PHF20L1: variants seen among roughly 807,000 people sequenced by gnomAD.
The protein encoded by PHF20L1 is PHD finger protein 20-like protein 1.
In PHF20L1, 44 loss-of-function variants were observed where a neutral mutation model predicts 125.5. The observed-to-expected ratio is 0.35, with a 90% CI of 0.28 to 0.45. The LOEUF is 0.45. PHF20L1 is among the 20% of genes least tolerant of loss of function. The pLI is 1.00. For synonymous variants in PHF20L1, 380 were observed against 403.1 expected, an observed-to-expected ratio of 0.94 and a Z score of 0.69; for missense variants, 1,012 against 1,217.2, an observed-to-expected ratio of 0.83 and a Z score of 2.51.
intron 17 of PHF20L1, 101 bp from the exon 18 acceptor site, chr8:132,839,286 A>T: frequency 1.2e-6 from 1 of 851,196 alleles, no homozygotes; most frequent in Non-Finnish European, 1.9e-6. Context: ...TCCTAGTGCT[A>T]GAGCTTGCCT....
intron 4 of PHF20L1, 145 bp from the exon 5 acceptor site, chr8:132,798,627 A>G: frequency 2.1e-6 from 1 of 482,796 alleles, no homozygotes; most frequent in South Asian, 4.3e-5. Context: ...GGAGAAAGTA[A>G]ACTTGATGGA....
intron 9 of PHF20L1, chr8:132,811,737 A>G: frequency 4.1e-6 from 4 of 985,180 alleles, no homozygotes; most frequent in Non-Finnish European, 4.8e-6. Flanking sequence ...CTTGTACATA[A>G]TGAACTGTGC....
intron 2 of PHF20L1, among the ~76,000 whole-genome samples, chr8:132,793,119 A>C (rs1191879219): frequency 6.6e-6 from 1 of 152,084 alleles, no homozygotes; most frequent in African/African-American, 2.4e-5. Context: ...GAGTTAGGGA[A>C]GTCTTCACAC....
At chr8:132,839,233 GCACCAGTT>G (rs1031990766) in intron 17 of PHF20L1, 146 bp from the exon 18 acceptor site, 4 of 619,180 alleles carry the variant, frequency 6.5e-6, no homozygotes, top group Non-Finnish European at 8.6e-6. Context: ...AGCTCTTCCT[GCACCAGTT>G]CCTCAGAACG....
At chr8:132,804,834 G>T (rs1833497864) in intron 8 of PHF20L1, 94 bp downstream of exon 8, 1 of 1,087,828 alleles carries the variant, frequency 9.2e-7, no homozygotes, top group African/African-American at 1.6e-5. Context: ...TTTTGATTTA[G>T]TGTCATGGAC....
chr8:132,780,281 C>A (rs986090168), intron 2 of PHF20L1, among the ~76,000 whole-genome samples: 1 of 152,002 alleles, frequency 6.6e-6, no homozygotes, highest in African/African-American at 2.4e-5. Context: ...TTATATGGGA[C>A]ACAAAAGTTC....
In PHF20L1 at chr8:132,817,329, T is replaced by G; in HGVS notation, c.1373-10T>G. 6.2e-7 allele frequency: 1 copy of G among 1,604,602 alleles called. No individual in the cohort carries two copies. ...TGTTAATATTACATTACACTCTTTA[T>G]TTTGTGTAGTGCCTGATGTTGCACA... On this transcript the variant is annotated splice_polypyrimidine_tract_variant and intron_variant, in intron 11 of 20. Coordinates refer to ENST00000395386, the MANE Select transcript of PHF20L1 (RefSeq NM_016018.5).
chr8:132,821,957 A>C (rs541089217), intron 12 of PHF20L1, among the ~76,000 whole-genome samples: 4 of 152,042 alleles, frequency 2.6e-5, no homozygotes, highest in African/African-American at 9.6e-5. Context: ...GAGATCGTGA[A>C]CTTCTTGTAA....
intron 17 of PHF20L1, 186 bp from the exon 18 acceptor site, chr8:132,839,201 A>T (rs1837677935): frequency 1.8e-6 from 1 of 568,618 alleles, no homozygotes; most frequent in East Asian, 2.9e-5. Context: ...CTGGGTGGGC[A>T]GGAACGCTGA....
rs772952829 is a variant in PHF20L1, at chr8:132,775,498, C to T, written c.-185C>T. On this transcript the variant is annotated 5_prime_UTR_variant, in exon 1 of 21. Coordinates refer to ENST00000395386, the MANE Select transcript of PHF20L1 (RefSeq NM_016018.5). ...CCCGCGAAACCTTGGGCGGATCCGG[C>T]GCTGCGGCCCCAGCTCGCTCCGCTC... The T allele has an allele frequency of 5.3e-6, 2 of 376,366 alleles. No homozygotes were observed. Among genetic ancestry groups the T allele is most frequent in the Non-Finnish European group, 4.7e-6 (1 of 211,684 alleles). 23.3% of individuals were successfully genotyped at this position (376,366 alleles called of 1,614,324 possible).
intron 6 of PHF20L1, among the ~76,000 whole-genome samples, chr8:132,803,219 TTTC>T (rs1833293639): frequency 1.3e-5 from 2 of 151,776 alleles, no homozygotes; most frequent in Admixed American, 6.6e-5. Flanking sequence ...ATGGAGCTCT[TTTC>T]TTCTTCATCA....
At chr8:132,786,479 A>G (rs1831039832) in intron 2 of PHF20L1, among the ~76,000 whole-genome samples, 1 of 152,182 alleles carries the variant, frequency 6.6e-6, no homozygotes, top group Non-Finnish European at 1.5e-5. Context: ...TTAAGAAAAA[A>G]ATAGATAACT....
Position 132,799,179 on chromosome 8 carries a change from G to T in PHF20L1, c.507+7G>T. 6.3e-7 allele frequency: 1 copy of T among 1,581,704 alleles called. No homozygotes were observed. Among genetic ancestry groups the T allele is most frequent in the Non-Finnish European group, 8.6e-7 (1 of 1,158,724 alleles). On this transcript the variant is annotated splice_region_variant and intron_variant, in intron 6 of 20. Coordinates refer to ENST00000395386, the MANE Select transcript of PHF20L1 (RefSeq NM_016018.5). ...CCAGTCTATGGGAAGTGAGGTAAGA[G>T]CCTTTTTTTTAAAAATTTTGTTTTG...
chr8:132,777,671 T>A (rs1829976589), intron 1 of PHF20L1, 121 bp from the exon 2 acceptor site: 1 of 555,844 alleles, frequency 1.8e-6, no homozygotes, highest in African/African-American at 1.9e-5. Context: ...ATTTGGCAAG[T>A]ATTTCATATT....
rs1587098779 is a variant in PHF20L1, at chr8:132,842,319, T to C, written c.2388-196T>C. 5.0e-5 allele frequency: 22 copies of C among 444,066 alleles called. No individual in the cohort carries two copies. In the East Asian group the frequency reaches 6.9e-4, roughly 14 times the overall value. 27.5% of individuals were successfully genotyped at this position (444,066 alleles called of 1,614,324 possible). On this transcript the variant is annotated intron_variant, in intron 18 of 20. Coordinates refer to ENST00000395386, the MANE Select transcript of PHF20L1 (RefSeq NM_016018.5). ...ACAATTAAATTTGTTATTGCTTTTCTGAGTATTATTTCTTTAATTGAGAAG... is the reference window on the plus strand; with the variant it reads ...ACAATTAAATTTGTTATTGCTTTTCCGAGTATTATTTCTTTAATTGAGAAG...
intron 17 of PHF20L1, chr8:132,838,122 T>C: frequency 5.0e-6 from 1 of 198,888 alleles, no homozygotes; most frequent in East Asian, 1.1e-4. Context: ...CGTATTAAAA[T>C]TTTAAAATAT....
chr8:132,788,584 A>C (rs1360416197), intron 2 of PHF20L1, among the ~76,000 whole-genome samples: 3 of 135,818 alleles, frequency 2.2e-5, no homozygotes, highest in African/African-American at 8.4e-5. Context: ...TTCCCTTGTC[A>C]TTTTCTCATG....
Position 132,842,723 on chromosome 8 carries a change from C to T in PHF20L1, c.2596C>T (p.Pro866Ser). The T allele has an allele frequency of 6.2e-7, 1 of 1,613,326 alleles. No homozygotes were observed. The highest frequency in any genetic ancestry group is 8.5e-7 in the Non-Finnish European group (1 of 1,179,592). The change falls in exon 19 of 21, where the codon CCA (proline) becomes TCA (serine). Residue 866 changes from proline to serine, a missense_variant. Coordinates refer to ENST00000395386, the MANE Select transcript of PHF20L1 (RefSeq NM_016018.5). ...AACAAGTGAGCATAGCTATCAAAAG[C>T]CACAAAGTTTTGGTCAGGACTGTAA... is the stretch of plus-strand genomic sequence containing the variant. ...YITSEHSYQK[P>S]QSFGQDCKSL...
In PHF20L1 at chr8:132,817,505, C is replaced by T. The variant is rs770237686; in HGVS notation, c.1539C>T (p.Ser513=). Residue 513 remains serine, a synonymous_variant, in exon 12 of 21, where the codon TCC becomes TCT. Transcript: ENST00000395386. ...EDTQMLPNPS[S]KAIADGRGAP... ...CACAGATGCTTCCAAATCCTTCTTC[C>T]AAAGCAATAGCTGATGGAAGAGGAG... 3 of 1,611,806 alleles carry T rather than the reference C, an allele frequency of 1.9e-6. No individual in the cohort carries two copies. In the South Asian group the frequency reaches 3.3e-5, roughly 18 times the overall value.
Sources: gnomAD v4.1 joint callset for allele counts (sites outside exome capture counted in the v4.1 genomes callset) on GRCh38, gnomAD v4.1.1 for gene constraint, MANE v1.5 for transcripts, NCBI Gene and HGNC (gene_info 2026-07-23, HGNC 2026-07-21) for gene names.